PRTG: variants seen among roughly 807,000 people sequenced by gnomAD.
PRTG encodes the protein immunoglobulin superfamily, DCC subclass, member 5.
A neutral mutation model predicts 122.5 loss-of-function variants in PRTG; 67 were observed. The ratio of observed to expected loss-of-function variants is 0.55; its 90% CI spans 0.45 to 0.67. PRTG has a LOEUF of 0.67. PRTG is among the 30% of genes least tolerant of loss of function. The probability of loss-of-function intolerance (pLI) is 0.00; values close to 1 mark genes in which losing one functional copy is unlikely to be tolerated. For synonymous variants in PRTG, 554 were observed against 501.1 expected (o/e 1.11, Z -1.41); for missense variants, 1,435 against 1,415.4 (o/e 1.01, Z -0.22).
Position 55,743,040 on chromosome 15 carries a change from C to T in PRTG, c.-109G>A, listed in dbSNP as rs973573269. 4 of 1,312,932 alleles carry T rather than the reference C, an allele frequency of 3.0e-6. No individual in the cohort carries two copies. The highest frequency in any genetic ancestry group is 2.9e-6 in the Non-Finnish European group (3 of 1,035,224). The allele number at this position is 1,312,932 out of a possible 1,614,324, so 81.3% of individuals were successfully genotyped here. On this transcript the variant is annotated 5_prime_UTR_variant, in exon 1 of 20. Coordinates refer to ENST00000389286, the MANE Select transcript of PRTG (RefSeq NM_173814.6). ...GCGGCTGGTCGCACGCAGCCTGGCTCCCCGCTCCGGCTCCGGCACCGGCGT... is the reference window on the plus strand; with the variant it reads ...GCGGCTGGTCGCACGCAGCCTGGCTTCCCGCTCCGGCTCCGGCACCGGCGT...
intron 2 of PRTG, among the ~76,000 whole-genome samples, chr15:55,716,869 A>G (rs770118759): frequency 1.1e-4 from 17 of 152,322 alleles, no homozygotes; most frequent in African/African-American, 9.6e-5. Context: ...ACACGTGTAC[A>G]TATCTTCACC....
intron 2 of PRTG, among the ~76,000 whole-genome samples, chr15:55,712,195 A>G (rs1043783988): frequency 2.0e-5 from 3 of 152,258 alleles, no homozygotes; most frequent in African/African-American, 4.8e-5. Flanking sequence ...TCCTACACTG[A>G]TAAGTCTTTG....
intron 2 of PRTG, among the ~76,000 whole-genome samples, chr15:55,719,782 G>A (rs1302240753): frequency 3.3e-5 from 5 of 152,126 alleles, no homozygotes; most frequent in Admixed American, 6.6e-5. Context: ...GGTTTGGCCC[G>A]GCGCACTGAC....
At chr15:55,628,562 C>A (rs1346301075) in intron 16 of PRTG, among the ~76,000 whole-genome samples, 1 of 152,096 alleles carries the variant, frequency 6.6e-6, no homozygotes, top group Non-Finnish European at 1.5e-5. Context: ...GCTCCTCTGT[C>A]TTGGTGGATG....
Position 55,683,932 on chromosome 15 carries a change from C to G in PRTG, c.398-1G>C, listed in dbSNP as rs2059555995. The G allele has an allele frequency of 2.5e-6, 4 of 1,611,820 alleles. No individual in the cohort carries two copies. Among genetic ancestry groups the G allele is most frequent in the Non-Finnish European group, 3.4e-6 (4 of 1,178,690 alleles). ...GGCTGGACTTCAAATGCAGAAATAGCTATAAGATAAAGTTTGAGAAATTCA... is the reference window on the plus strand; with the variant it reads ...GGCTGGACTTCAAATGCAGAAATAGGTATAAGATAAAGTTTGAGAAATTCA... On this transcript the variant is annotated splice_acceptor_variant, in intron 2 of 19. Transcript: ENST00000389286. LOFTEE classifies it high-confidence loss of function.
At chr15:55,677,171 T>A (rs1044568349) in intron 8 of PRTG, among the ~76,000 whole-genome samples, 10 of 152,072 alleles carry the variant, frequency 6.6e-5, no homozygotes, top group Non-Finnish European at 1.2e-4. Context: ...ATAAGAAAAA[T>A]TTTTAAATCT....
chr15:55,739,900 C>A (rs2141897583), intron 2 of PRTG, among the ~76,000 whole-genome samples: 1 of 152,310 alleles, frequency 6.6e-6, no homozygotes. Context: ...AATGCCCTCT[C>A]ATACAATTAA....
chr15:55,619,869 GA>G lies in PRTG; in HGVS notation c.*142del. 2 of 1,419,796 alleles carry G rather than the reference GA, an allele frequency of 1.4e-6. No individual in the cohort carries two copies. Among genetic ancestry groups the G allele is most frequent in the Non-Finnish European group, 1.9e-6 (2 of 1,057,552 alleles). 87.9% of individuals were successfully genotyped at this position (1,419,796 alleles called of 1,614,324 possible). The stretch of plus-strand genomic sequence containing the variant: ...TACCTGAGCATGGCCGTCTAGATTG[GA>G]AAATCATTTTTATCAAAGCATAGCA... On this transcript the variant is annotated 3_prime_UTR_variant, in exon 20 of 20. Transcript: ENST00000389286.
intron 2 of PRTG, among the ~76,000 whole-genome samples, chr15:55,731,089 G>A (rs372049796): frequency 6.6e-6 from 1 of 150,710 alleles, no homozygotes; most frequent in South Asian, 2.1e-4. Context: ...TCTAAACATT[G>A]GGAGATCAGT....
Position 55,680,223 on chromosome 15 carries a change from G to C in PRTG, c.815-11C>G. ...CAATGGATTTGTGATCTATTTCAAA[G>C]AGAATACTTCAGTTTAAACAATGTA... On this transcript the variant is annotated splice_polypyrimidine_tract_variant and intron_variant, in intron 5 of 19. Transcript: ENST00000389286. 6.3e-7 allele frequency: 1 copy of C among 1,596,824 alleles called. No individual in the cohort carries two copies. Among genetic ancestry groups the C allele is most frequent in the East Asian group, 2.2e-5 (1 of 44,724 alleles).
At chr15:55,708,170 A>AC (rs1220284868) in intron 2 of PRTG, among the ~76,000 whole-genome samples, 2 of 149,906 alleles carry the variant, frequency 1.3e-5, no homozygotes, top group African/African-American at 4.9e-5. Flanking sequence ...AAAAAAAAAA[A>AC]AAAAAAACAG....
intron 2 of PRTG, among the ~76,000 whole-genome samples, chr15:55,692,934 G>A (rs145415931): frequency 0.011 from 1,540 of 136,734 alleles, 16 homozygotes; most frequent in East Asian, 0.015. Context: ...TCTGTCTCCC[G>A]GGTTCAAGCA....
chr15:55,647,416 T>C (rs1235682311), intron 11 of PRTG, among the ~76,000 whole-genome samples: 1 of 152,134 alleles, frequency 6.6e-6, no homozygotes, highest in Non-Finnish European at 1.5e-5. Flanking sequence ...AGACGCAAAT[T>C]TTACTTTAAA....
intron 11 of PRTG, among the ~76,000 whole-genome samples, chr15:55,649,968 C>T (rs184470446): frequency 8.9e-4 from 135 of 152,184 alleles, no homozygotes; most frequent in African/African-American, 2.8e-3. Context: ...AATCAAGTTT[C>T]GTCATCTATA....
In PRTG at chr15:55,742,863, G is replaced by GAGCAGGAGCGCGCGGAGC. The variant is rs767989697; in HGVS notation, c.51_68dup (p.Arg19_Leu24dup). ...CTGGCAAAGGACTGAGCAGCAGCAG[G>GAGCAGGAGCGCGCGGAGC]AGCAGGAGCGCGCGGAGCAGCATCC... On this transcript the variant is annotated inframe_insertion, in exon 1 of 20. Transcript: ENST00000389286. 1.3e-6 allele frequency: 2 copies of GAGCAGGAGCGCGCGGAGC among 1,537,764 alleles called. No homozygotes were observed. The highest frequency in any genetic ancestry group is 8.8e-7 in the Non-Finnish European group (1 of 1,140,970).
At chr15:55,731,864 T>C (rs565332869) in intron 2 of PRTG, among the ~76,000 whole-genome samples, 1 of 152,340 alleles carries the variant, frequency 6.6e-6, no homozygotes, top group Admixed American at 6.5e-5. Flanking sequence ...CATTACTTAA[T>C]GACAGAGATA....
chr15:55,620,704 A>C lies in PRTG; in HGVS notation c.3157T>G (p.Trp1053Gly). 1 of 1,601,730 alleles carries C rather than the reference A, an allele frequency of 6.2e-7. No individual in the cohort carries two copies. The highest frequency in any genetic ancestry group is 8.5e-7 in the Non-Finnish European group (1 of 1,177,172). Residue 1053 changes from tryptophan (W) to glycine (G), a missense_variant, in exon 19 of 20, where the codon TGG (tryptophan) becomes GGG (glycine). Physicochemically the swap from Trp to Gly is radical, Grantham distance 184. Coordinates refer to ENST00000389286, the MANE Select transcript of PRTG (RefSeq NM_173814.6). ...TTCTTTGAGTCTTGGAAAAAAAACC[A>C]CTTTTTCTTAGAGTTGTTTTTAATT... is the stretch of plus-strand genomic sequence containing the variant. ...PIIKNNSKKK[W>G]FFFQDSKKIQ...
In PRTG at chr15:55,673,410, A is replaced by G; in HGVS notation, c.1813T>C (p.Trp605Arg). The change falls in exon 10 of 20, where the codon TGG becomes CGG. Residue 605 changes from tryptophan to arginine, a missense_variant. Transcript: ENST00000389286. ...GCTTTGGGCGTCCTATGTGAAGTCC[A>G]TACTGATGACTCTCCCAGCCCCACT... Reference protein sequence around the residue: ...TRVGLGESSVWTSHRTPKATS... With the variant: ...TRVGLGESSVRTSHRTPKATS... 6.2e-7 allele frequency: 1 copy of G among 1,614,190 alleles called. No individual in the cohort carries two copies. The highest frequency in any genetic ancestry group is 2.2e-5 in the East Asian group (1 of 44,892).
In PRTG at chr15:55,614,945, CAT is replaced by C. The variant is rs2141699951; in HGVS notation, c.*5065_*5066del. 1 of 152,212 alleles carries C rather than the reference CAT, an allele frequency of 6.6e-6. No homozygotes were observed. Among genetic ancestry groups the C allele is most frequent in the South Asian group, 2.1e-4 (1 of 4,822 alleles). The allele number at this position is 152,212 out of a possible 1,614,324, so 9.4% of individuals were successfully genotyped here. A position where few individuals can be genotyped will look rare whatever the true frequency, so the allele number is the denominator to read the frequency against. On this transcript the variant is annotated 3_prime_UTR_variant, in exon 20 of 20. Coordinates refer to ENST00000389286, the MANE Select transcript of PRTG (RefSeq NM_173814.6). ...TGGAACCAGTGAATATGTTACCAAA[CAT>C]AGCAAAAGGAACTCTGTAGATGTGA...
Sources: gnomAD v4.1 joint callset for allele counts (sites outside exome capture counted in the v4.1 genomes callset) on GRCh38, gnomAD v4.1.1 for gene constraint, MANE v1.5 for transcripts, NCBI Gene and HGNC (gene_info 2026-07-23, HGNC 2026-07-21) for gene names.